Variants in FAM13B observed in about 807,000 individuals in gnomAD.
The protein encoded by FAM13B is protein FAM13B.
Under a neutral mutation model 117.3 loss-of-function variants are expected in FAM13B, and 60 were observed. That is an observed-to-expected ratio of 0.51 (90% CI 0.42 to 0.63). The LOEUF (loss-of-function observed/expected upper bound fraction) is 0.63, where lower values mean the gene tolerates loss of function less well. FAM13B is among the 30% of genes least tolerant of loss of function. The probability of loss-of-function intolerance (pLI) is 0.00; values close to 1 mark genes in which losing one functional copy is unlikely to be tolerated. For synonymous variants in FAM13B, 332 were observed against 356.1 expected (o/e 0.93, Z 0.76); for missense variants, 972 against 1,091.9 (o/e 0.89, Z 1.55).
intron 9 of FAM13B, among the ~76,000 whole-genome samples, chr5:137,985,654 G>A (rs976664974): frequency 4.6e-5 from 7 of 151,970 alleles, no homozygotes; most frequent in African/African-American, 1.7e-4. Flanking sequence ...ATAATTTATG[G>A]GCCGAAATAA....
At chr5:137,959,856 A>C (rs985183216) in intron 12 of FAM13B, 93 bp from the exon 13 acceptor site, 14 of 1,265,796 alleles carry the variant, frequency 1.1e-5, no homozygotes, top group Non-Finnish European at 1.3e-5. Context: ...TGTAGTCTTC[A>C]TTAGTTTACT....
At chr5:138,010,875 T>C (rs1783801339) in intron 6 of FAM13B, 133 bp downstream of exon 6, 1 of 942,272 alleles carries the variant, frequency 1.1e-6, no homozygotes. Context: ...ACTGATTACA[T>C]ATAATAACCA....
Position 138,048,940 on chromosome 5 carries a change from CT to C in FAM13B, c.-203+2937del, listed in dbSNP as rs35414064. ...TGAAGGACATTAGAGTGATACATTT[CT>C]TTTTTTTTTTTTTTTTTTTTAAGGC... On this transcript the variant is annotated intron_variant, in intron 1 of 3. Coordinates refer to the FAM13B transcript ENST00000502471. Among the ~76,000 whole-genome samples the C allele has an allele frequency of 4.1e-3, 497 of 122,434 alleles. 1 individual carries two copies. The highest frequency in any genetic ancestry group is 5.9e-3 in the Admixed American group (65 of 11,052). The allele number at this position is 122,434 out of a possible 152,430, so 80.3% of individuals were successfully genotyped here.
chr5:137,947,235 T>C (rs893541105), intron 18 of FAM13B, among the ~76,000 whole-genome samples: 1 of 152,164 alleles, frequency 6.6e-6, no homozygotes, highest in African/African-American at 2.4e-5. Context: ...TGGTCTCTCA[T>C]GAGAGTAAAA....
chr5:137,946,354 A>C (rs1421775961), intron 18 of FAM13B, 43 bp from the exon 19 acceptor site: 3 of 1,352,380 alleles, frequency 2.2e-6, no homozygotes, highest in African/African-American at 1.5e-5. Context: ...AAAAAAAAAA[A>C]ACAAAAACAA....
intron 18 of FAM13B, among the ~76,000 whole-genome samples, chr5:137,947,582 A>T (rs1460324225): frequency 6.6e-6 from 1 of 152,108 alleles, no homozygotes; most frequent in Non-Finnish European, 1.5e-5. Flanking sequence ...TACAAAAAAA[A>T]ATTTCTTTTT....
chr5:138,035,717 G>A (rs1039353421), upstream of FAM13B, among the ~76,000 whole-genome samples: 1 of 152,134 alleles, frequency 6.6e-6, no homozygotes, highest in African/African-American at 2.4e-5. Context: ...CTAAAGAGGG[G>A]ACCATAGTCA....
intron 14 of FAM13B, among the ~76,000 whole-genome samples, chr5:137,956,063 T>C (rs1267262714): frequency 6.6e-6 from 1 of 152,212 alleles, no homozygotes; most frequent in Non-Finnish European, 1.5e-5. Flanking sequence ...ACACAATAGC[T>C]AAGATCGCTG....
chr5:137,966,346 A>T (rs1447939866), intron 10 of FAM13B, among the ~76,000 whole-genome samples: 1 of 151,306 alleles, frequency 6.6e-6, no homozygotes, highest in Non-Finnish European at 1.5e-5. Flanking sequence ...CTGAGGCAGG[A>T]GAATCACTTG....
chr5:137,943,842 T>C (rs1488093180), intron 20 of FAM13B, among the ~76,000 whole-genome samples: 1 of 152,222 alleles, frequency 6.6e-6, no homozygotes, highest in Non-Finnish European at 1.5e-5. Flanking sequence ...TTGAGGACCA[T>C]TCTATACTCT....
chr5:137,976,534 AG>A (rs1774061474), intron 10 of FAM13B, among the ~76,000 whole-genome samples: 1 of 152,222 alleles, frequency 6.6e-6, no homozygotes, highest in South Asian at 2.1e-4. Context: ...ATCAGCCAGA[AG>A]GCCACTGTTG....
intron 12 of FAM13B, 53 bp from the exon 13 acceptor site, chr5:137,959,816 C>T: frequency 6.4e-7 from 1 of 1,552,214 alleles, no homozygotes. Context: ...TTTTCACACC[C>T]AGCTTAAACA....
intron 19 of FAM13B, 106 bp from the exon 20 acceptor site, chr5:137,946,103 T>C (rs1018749157): frequency 1.2e-5 from 15 of 1,233,434 alleles, no homozygotes; most frequent in African/African-American, 6.1e-5. Flanking sequence ...ATTAAATACA[T>C]AGGCAATCCC....
intron 1 of FAM13B, among the ~76,000 whole-genome samples, chr5:138,048,742 A>T (rs1791709849): frequency 6.6e-6 from 1 of 152,152 alleles, no homozygotes. Flanking sequence ...TGTTTTTCAT[A>T]ATTATTTTGC....
chr5:138,035,931 C>A (rs1012870661), upstream of FAM13B, among the ~76,000 whole-genome samples: 1 of 152,114 alleles, frequency 6.6e-6, no homozygotes, highest in Non-Finnish European at 1.5e-5. Flanking sequence ...GTGGTTTCTC[C>A]CCCATAATTC....
chr5:138,000,641 C>T (rs1780987798), intron 7 of FAM13B, among the ~76,000 whole-genome samples: 1 of 151,956 alleles, frequency 6.6e-6, no homozygotes, highest in African/African-American at 2.4e-5. Context: ...AACAGAAGCA[C>T]CCAGGCCGGG....
At chr5:137,995,366 G>C (rs1053183643) in intron 7 of FAM13B, among the ~76,000 whole-genome samples, 7 of 152,300 alleles carry the variant, frequency 4.6e-5, no homozygotes, top group Admixed American at 2.0e-4. Flanking sequence ...AATATAAGTG[G>C]AGAAACCAAT....
At chr5:138,043,898 T>G (rs1030926347) in intron 1 of FAM13B, among the ~76,000 whole-genome samples, 1 of 151,406 alleles carries the variant, frequency 6.6e-6, no homozygotes, top group Non-Finnish European at 1.5e-5. Flanking sequence ...TATATGAATA[T>G]TGCACAATGA....
intron 7 of FAM13B, among the ~76,000 whole-genome samples, chr5:137,990,776 G>A (rs982393109): frequency 8.6e-5 from 13 of 151,898 alleles, no homozygotes; most frequent in African/African-American, 2.4e-4. Context: ...GCAACATAGC[G>A]AGACCCCCAT....
Sources: gnomAD v4.1 joint callset for allele counts (sites outside exome capture counted in the v4.1 genomes callset) on GRCh38, gnomAD v4.1.1 for gene constraint, MANE v1.5 for transcripts, NCBI Gene and HGNC (gene_info 2026-07-23, HGNC 2026-07-21) for gene names.